CSTPP1: variants seen among roughly 807,000 people sequenced by gnomAD.
CSTPP1 encodes the protein UPF0705 protein C11orf49.
chr11:46,998,675 C>G, the CSTPP1 span, among the ~76,000 whole-genome samples: 1 of 152,060 alleles, frequency 6.6e-6, no homozygotes, highest in East Asian at 1.9e-4. Flanking sequence ...CCTGAGTTTA[C>G]TTTGTGAATT....
chr11:46,952,815 G>GT, the CSTPP1 span, among the ~76,000 whole-genome samples: 7 of 152,316 alleles, frequency 4.6e-5, no homozygotes, highest in African/African-American at 1.7e-4. Flanking sequence ...GTGAGAACAT[G>GT]TAATTTTAGA....
At chr11:47,154,869 C>T in the CSTPP1 span, 1 of 477,212 alleles carries the variant, frequency 2.1e-6, no homozygotes, top group South Asian at 3.6e-5. Flanking sequence ...TCCTCGCCAC[C>T]CCCTGCCCAT....
the CSTPP1 span, among the ~76,000 whole-genome samples, chr11:47,108,777 G>C: frequency 7.0e-6 from 1 of 142,166 alleles, no homozygotes; most frequent in Non-Finnish European, 1.5e-5. Flanking sequence ...CACAATCTCA[G>C]CTCACTGCAA....
At chr11:46,939,668 ATAGATAGG>A in the CSTPP1 span, among the ~76,000 whole-genome samples, 4,594 of 142,154 alleles carry the variant, frequency 0.032, 85 homozygotes, top group Middle Eastern at 0.058. Flanking sequence ...AGATAGATAG[ATAGATAGG>A]TAGATGTTTT....
At chr11:47,137,955 T>TA in the CSTPP1 span, 1 of 590,430 alleles carries the variant, frequency 1.7e-6, no homozygotes, top group South Asian at 2.1e-5. Flanking sequence ...GGTCTGAAGA[T>TA]AGAGTTGGAG....
the CSTPP1 span, among the ~76,000 whole-genome samples, chr11:47,005,292 G>T: frequency 6.6e-6 from 1 of 152,120 alleles, no homozygotes; most frequent in South Asian, 2.1e-4. Context: ...GCATGGAAAT[G>T]TTTTTCTTCA....
At chr11:46,963,264 ATTCT>A in the CSTPP1 span, among the ~76,000 whole-genome samples, 2 of 149,442 alleles carry the variant, frequency 1.3e-5, no homozygotes, top group African/African-American at 4.9e-5. Context: ...TTTTGTAGAT[ATTCT>A]TTATCAGGTT....
chr11:46,998,222 T>TA, the CSTPP1 span, among the ~76,000 whole-genome samples: 1 of 152,210 alleles, frequency 6.6e-6, no homozygotes, highest in Non-Finnish European at 1.5e-5. Flanking sequence ...TAAAGCTCTA[T>TA]ATTGTGCCAT....
the CSTPP1 span, chr11:47,023,519 T>C: frequency 6.6e-6 from 1 of 152,220 alleles, no homozygotes; most frequent in Non-Finnish European, 1.5e-5. Context: ...CACATTGTTC[T>C]GCAACCATCA....
the CSTPP1 span, among the ~76,000 whole-genome samples, chr11:46,954,734 A>C: frequency 1.3e-5 from 2 of 152,038 alleles, no homozygotes; most frequent in Non-Finnish European, 2.9e-5. Flanking sequence ...ATAACAAAAA[A>C]AAGCAGTACC....
At chr11:47,077,788 T>G in the CSTPP1 span, among the ~76,000 whole-genome samples, 1 of 151,914 alleles carries the variant, frequency 6.6e-6, no homozygotes, top group Non-Finnish European at 1.5e-5. Context: ...TGCAGGAAAA[T>G]TAAATAATAG....
At chr11:46,968,127 A>C in the CSTPP1 span, among the ~76,000 whole-genome samples, 1 of 151,308 alleles carries the variant, frequency 6.6e-6, no homozygotes, top group Middle Eastern at 3.2e-3. Flanking sequence ...ATCTCTCTTG[A>C]CTTCTCAGAA....
At chr11:46,949,873 A>G in the CSTPP1 span, among the ~76,000 whole-genome samples, 3 of 152,000 alleles carry the variant, frequency 2.0e-5, no homozygotes, top group Non-Finnish European at 4.4e-5. Context: ...GGGTTTCGCC[A>G]TGTTGGCCAG....
the CSTPP1 span, among the ~76,000 whole-genome samples, chr11:47,127,150 A>C: frequency 1.3e-5 from 2 of 152,142 alleles, no homozygotes; most frequent in African/African-American, 4.8e-5. Context: ...CCTTTGAATG[A>C]GAAGGCTTGA....
the CSTPP1 span, among the ~76,000 whole-genome samples, chr11:47,163,882 G>A: frequency 3.9e-5 from 6 of 152,080 alleles, no homozygotes; most frequent in African/African-American, 1.4e-4. Context: ...CTAGCCTCAA[G>A]TGATCCACCC....
At chr11:47,008,824 A>T in the CSTPP1 span, among the ~76,000 whole-genome samples, 2 of 151,944 alleles carry the variant, frequency 1.3e-5, no homozygotes, top group African/African-American at 4.8e-5. Flanking sequence ...AGGTCAGGAG[A>T]TCGAGACCAT....
chr11:47,031,696 CTTT>C, the CSTPP1 span, among the ~76,000 whole-genome samples: 5 of 136,056 alleles, frequency 3.7e-5, no homozygotes, highest in African/African-American at 5.3e-5. Flanking sequence ...AACCCCATCT[CTTT>C]TTTTTTTTTT....
chr11:46,973,790 G>GTGTA, the CSTPP1 span, among the ~76,000 whole-genome samples: 5 of 151,744 alleles, frequency 3.3e-5, no homozygotes, highest in Non-Finnish European at 7.4e-5. Context: ...ATGTGTGTGT[G>GTGTA]TGTGTGTGTC....
At chr11:47,066,355 T>G in the CSTPP1 span, among the ~76,000 whole-genome samples, 1 of 152,066 alleles carries the variant, frequency 6.6e-6, no homozygotes, top group Admixed American at 6.6e-5. Flanking sequence ...ATGGATTTTC[T>G]CTGGGTACTC....
Sources: gnomAD v4.1 joint callset for allele counts (sites outside exome capture counted in the v4.1 genomes callset) on GRCh38, gnomAD v4.1.1 for gene constraint, MANE v1.5 for transcripts, NCBI Gene and HGNC (gene_info 2026-07-23, HGNC 2026-07-21) for gene names.